MYH7: variants seen among roughly 807,000 people sequenced by gnomAD.
MYH7 encodes myosin-7.
A neutral mutation model predicts 225.4 loss-of-function variants in MYH7; 129 were observed. The observed-to-expected ratio is 0.57, with a 90% CI of 0.50 to 0.66. The LOEUF is 0.66. Among genes scored for constraint, MYH7 ranks in the 30% least tolerant of loss-of-function variants. The pLI, the probability that MYH7 is intolerant of heterozygous loss-of-function variation, is 0.00. For synonymous variants in MYH7, 971 were observed against 1,007.6 expected (o/e 0.96, Z 0.69); for missense variants, 1,649 against 2,517.0 (o/e 0.66, Z 7.38).
intron 22 of MYH7, 114 bp downstream of exon 22, chr14:23,424,655 A>G (rs1892619157): frequency 1.3e-6 from 2 of 1,561,780 alleles, no homozygotes; most frequent in East Asian, 4.5e-5. Flanking sequence ...TGTTGATCCC[A>G]GAGTCCTCTG....
chr14:23,433,543 CGGT>C lies in MYH7; in HGVS notation c.187_189del (p.Thr63del). ...AGCCTGACACCCACCTTGCCATACT[CGGT>C]CTCGGCAGTGACTTTGCCACCCTCT... On this transcript the variant is annotated inframe_deletion, in exon 3 of 40. Coordinates refer to ENST00000355349, the MANE Select transcript of MYH7 (RefSeq NM_000257.4). The surrounding 1 kb of genome is among the most constrained non-coding windows in gnomAD (Gnocchi z 4.1). The C allele has an allele frequency of 6.2e-7, 1 of 1,614,066 alleles. No individual in the cohort carries two copies. Among genetic ancestry groups the C allele is most frequent in the Non-Finnish European group, 8.5e-7 (1 of 1,180,026 alleles).
At chr14:23,426,885 G>A (rs371445321) in intron 17 of MYH7, 21 bp from the exon 18 acceptor site, 14 of 1,604,160 alleles carry the variant, frequency 8.7e-6, no homozygotes, top group South Asian at 1.1e-5. Flanking sequence ...AAATGCAATA[G>A]AGAAAAGTAA....
intron 33 of MYH7, 61 bp from the exon 34 acceptor site, chr14:23,416,373 G>A: frequency 1.3e-6 from 2 of 1,533,100 alleles, no homozygotes; most frequent in East Asian, 2.3e-5. Context: ...CAGGGTGGGG[G>A]CCTGCTCACT....
At chr14:23,419,087 C>T in intron 29 of MYH7, 90 bp downstream of exon 29, 1 of 1,173,880 alleles carries the variant, frequency 8.5e-7, no homozygotes, top group South Asian at 1.2e-5. Context: ...GGTCCACAGC[C>T]AGCCTTATTG....
chr14:23,427,498 G>T (rs915141598), intron 16 of MYH7, 87 bp downstream of exon 16: 2 of 1,538,182 alleles, frequency 1.3e-6, no homozygotes, highest in Non-Finnish European at 1.8e-6. Flanking sequence ...ACCTGACATT[G>T]AAGTGGTGGG....
At position 23,429,769 on chromosome 14, in the gene MYH7, TC is replaced by T. The variant is rs752028408; in HGVS notation, c.1138+5del. On this transcript the variant is annotated splice_donor_5th_base_variant and intron_variant, in intron 12 of 39. Transcript: ENST00000355349. ...ACAGCTGCCCCCAAGAATCCCTGCCTCCCACCTTCAGTGCCGTCTGGCTCCG... is the reference window on the plus strand; with the variant it reads ...ACAGCTGCCCCCAAGAATCCCTGCCTCCACCTTCAGTGCCGTCTGGCTCCG... 1.2e-6 allele frequency: 2 copies of T among 1,611,176 alleles called. No homozygotes were observed. The highest frequency in any genetic ancestry group is 1.7e-6 in the Non-Finnish European group (2 of 1,179,506).
At position 23,412,799 on chromosome 14, in the gene MYH7, C is replaced by T; in HGVS notation, c.*55G>A. The T allele has an allele frequency of 1.2e-6, 2 of 1,606,168 alleles. No individual in the cohort carries two copies. Among genetic ancestry groups the T allele is most frequent in the Non-Finnish European group, 8.5e-7 (1 of 1,172,910 alleles). ...TCCCAAGGAGCTGTTACACAGGCTCCAGCATGGGGCTTTGCTGGCACCTCC... is the reference window on the plus strand; with the variant it reads ...TCCCAAGGAGCTGTTACACAGGCTCTAGCATGGGGCTTTGCTGGCACCTCC... On this transcript the variant is annotated 3_prime_UTR_variant, in exon 40 of 40. Coordinates refer to ENST00000355349, the MANE Select transcript of MYH7 (RefSeq NM_000257.4).
At chr14:23,434,299 C>T in intron 1 of MYH7, 50 bp from the exon 2 acceptor site, 4 of 990,532 alleles carry the variant, frequency 4.0e-6, no homozygotes, top group Non-Finnish European at 4.8e-6. Context: ...CCAACCTGAC[C>T]AGTCCCACCT....
intron 31 of MYH7, 46 bp downstream of exon 31, chr14:23,417,457 G>A (rs1829462936): frequency 6.2e-7 from 1 of 1,612,044 alleles, no homozygotes; most frequent in Non-Finnish European, 8.5e-7. Flanking sequence ...AACCCCTCAT[G>A]CCCCCTTGCC....
intron 39 of MYH7, among the ~76,000 whole-genome samples, chr14:23,413,350 G>T (rs773968235): frequency 6.6e-6 from 1 of 152,092 alleles, no homozygotes; most frequent in Non-Finnish European, 1.5e-5. Flanking sequence ...AGGCTGAGGC[G>T]AGTGGATCAC....
intron 7 of MYH7, 34 bp from the exon 8 acceptor site, chr14:23,431,711 C>T (rs759374620): frequency 1.2e-6 from 2 of 1,614,232 alleles, no homozygotes; most frequent in Admixed American, 3.3e-5. Context: ...GGTGAGAGCT[C>T]TTCTCCCTCC....
At chr14:23,429,489 A>G (rs1892835185) in intron 12 of MYH7, 142 bp from the exon 13 acceptor site, 2 of 889,552 alleles carry the variant, frequency 2.2e-6, no homozygotes, top group Non-Finnish European at 1.8e-6. Flanking sequence ...CAACCTGGCC[A>G]ACATGATGAA....
rs375422678 is a variant in MYH7 at position 23,419,469 on chromosome 14, T to A, written c.3853+14A>T. ...ACTGTGGTGGGAACCATGGAGCCCC[T>A]GCTCTAGGCTCACCATTCTCGGTTT... On this transcript the variant is annotated intron_variant, in intron 28 of 39. Transcript: ENST00000355349. The A allele has an allele frequency of 2.9e-5, 47 of 1,613,522 alleles. No individual in the cohort carries two copies. Among genetic ancestry groups the A allele is most frequent in the Middle Eastern group, 1.7e-4 (1 of 5,884 alleles).
At chr14:23,420,355 G>A in intron 26 of MYH7, 121 bp from the exon 27 acceptor site, 4 of 1,527,320 alleles carry the variant, frequency 2.6e-6, no homozygotes, top group Non-Finnish European at 3.5e-6. Context: ...CAGTGGAGAG[G>A]TGGGAATTAA....
intron 22 of MYH7, 88 bp downstream of exon 22, chr14:23,424,681 C>T: frequency 6.2e-7 from 1 of 1,600,102 alleles, no homozygotes; most frequent in Non-Finnish European, 8.5e-7. Flanking sequence ...AGGAACAAGA[C>T]AGTGAGCCCC....
rs730880843 is a variant in MYH7 at position 23,431,850 on chromosome 14, T to G, written c.550A>C (p.Lys184Gln). The change falls in exon 7 of 40, where the codon AAG (lysine) becomes CAG (glutamine). Residue 184 changes from lysine to glutamine, a missense_variant. Physicochemically the swap from Lys to Gln is moderately conservative, Grantham distance 53. Around this residue, in one of 12 missense-constraint regions of MYH7, gnomAD observed 0 missense variants for 18.1 expected, o/e 0.00. Coordinates refer to ENST00000355349, the MANE Select transcript of MYH7 (RefSeq NM_000257.4). Reference sequence around the variant, plus strand: ...ATGACCCTCTTGGTGTTGACTGTCTTCCCTGCTCCGGATTCTCCGCTGTGA... The same window carrying G: ...ATGACCCTCTTGGTGTTGACTGTCTGCCCTGCTCCGGATTCTCCGCTGTGA... ...ILITGESGAG[K>Q]TVNTKRVIQY... 1.2e-6 allele frequency: 2 copies of G among 1,614,130 alleles called. No individual in the cohort carries two copies. The highest frequency in any genetic ancestry group is 1.7e-6 in the Non-Finnish European group (2 of 1,180,052).
At chr14:23,418,750 A>G (rs1892339280) in intron 29 of MYH7, among the ~76,000 whole-genome samples, 1 of 152,164 alleles carries the variant, frequency 6.6e-6, no homozygotes, top group African/African-American at 2.4e-5. Flanking sequence ...GCAGGTTAGT[A>G]TGAACCCTGG....
intron 26 of MYH7, among the ~76,000 whole-genome samples, chr14:23,420,676 C>A (rs1483339420): frequency 1.3e-5 from 2 of 152,170 alleles, no homozygotes; most frequent in Non-Finnish European, 2.9e-5. Context: ...CATGGAGACC[C>A]AGAGATCTGG....
chr14:23,414,943 G>T, intron 37 of MYH7, 52 bp downstream of exon 37: 1 of 1,601,090 alleles, frequency 6.2e-7, no homozygotes, highest in Non-Finnish European at 8.5e-7. Context: ...TCAGCTGGTT[G>T]TCACTGTGGC....
Sources: allele counts gnomAD v4.1 joint callset (sites outside exome capture counted in the v4.1 genomes callset), GRCh38; gene constraint gnomAD v4.1.1; regional missense constraint gnomAD v4.1.1; non-coding constraint Gnocchi (gnomAD v3.1); transcripts MANE v1.5; gene names NCBI Gene and HGNC (gene_info 2026-07-23, HGNC 2026-07-21).